SHISA9: variants seen among roughly 807,000 people sequenced by gnomAD.
The protein encoded by SHISA9 is protein shisa-9.
A neutral mutation model predicts 38.0 loss-of-function variants in SHISA9; 13 were observed. The observed-to-expected ratio is 0.34, with a 90% CI of 0.22 to 0.54. The LOEUF is 0.54. Among genes scored for constraint, SHISA9 ranks in the 20% least tolerant of loss-of-function variants. The pLI, the probability that SHISA9 is intolerant of heterozygous loss-of-function variation, is 0.91. For synonymous variants in SHISA9, 275 were observed against 242.0 expected, an observed-to-expected ratio of 1.14 and a Z score of -1.27; for missense variants, 538 against 575.8, an observed-to-expected ratio of 0.93 and a Z score of 0.67.
intron 2 of SHISA9, among the ~76,000 whole-genome samples, chr16:13,139,906 G>A (rs911142187): frequency 2.6e-5 from 4 of 152,114 alleles, no homozygotes; most frequent in Non-Finnish European, 5.9e-5. Context: ...ACTCAGTTGA[G>A]GTCCCTGGCT....
At chr16:13,233,802 G>A (rs1023723885) in intron 4 of SHISA9, among the ~76,000 whole-genome samples, 6 of 152,098 alleles carry the variant, frequency 3.9e-5, no homozygotes, top group African/African-American at 7.2e-5. Flanking sequence ...CTTGAGCCCC[G>A]GAGTTCAAGA....
At chr16:13,299,710 CA>C in the SHISA9 span, among the ~76,000 whole-genome samples, 95 of 118,336 alleles carry the variant, frequency 8.0e-4, no homozygotes, top group South Asian at 1.4e-3. Flanking sequence ...GAGCCTCTGT[CA>C]AAAAAAAAAA....
intron 3 of SHISA9, among the ~76,000 whole-genome samples, chr16:13,209,275 T>C (rs1242421741): frequency 1.3e-5 from 2 of 152,180 alleles, no homozygotes; most frequent in African/African-American, 4.8e-5. Flanking sequence ...TAACATGCAA[T>C]TGCCCACATT....
the SHISA9 span, among the ~76,000 whole-genome samples, chr16:13,441,262 C>T: frequency 6.6e-6 from 1 of 152,170 alleles, no homozygotes; most frequent in African/African-American, 2.4e-5. Flanking sequence ...TTAAACCTGC[C>T]AGGCTCAGAG....
intron 2 of SHISA9, among the ~76,000 whole-genome samples, chr16:12,929,492 A>G (rs1331183271): frequency 1.3e-5 from 2 of 152,208 alleles, no homozygotes; most frequent in Non-Finnish European, 2.9e-5. Flanking sequence ...CTTTGCAGGG[A>G]CATGGATGGA....
At chr16:13,178,691 T>C (rs2050752716) in intron 2 of SHISA9, among the ~76,000 whole-genome samples, 1 of 152,166 alleles carries the variant, frequency 6.6e-6, no homozygotes, top group Non-Finnish European at 1.5e-5. Context: ...GAAGCCAGCC[T>C]CCAGCCTTGG....
the SHISA9 span, among the ~76,000 whole-genome samples, chr16:13,392,394 C>T: frequency 3.3e-5 from 5 of 152,082 alleles, no homozygotes; most frequent in East Asian, 1.9e-4. Flanking sequence ...TTATATTGTA[C>T]ACCTTAAATA....
At chr16:13,459,974 C>A in the SHISA9 span, among the ~76,000 whole-genome samples, 1 of 152,130 alleles carries the variant, frequency 6.6e-6, no homozygotes, top group Non-Finnish European at 1.5e-5. Context: ...GTGGCATGAT[C>A]TCTGCTCACT....
At chr16:13,145,501 T>G (rs2050439522) in intron 2 of SHISA9, among the ~76,000 whole-genome samples, 1 of 152,172 alleles carries the variant, frequency 6.6e-6, no homozygotes, top group African/African-American at 2.4e-5. Flanking sequence ...CACTCCAGCC[T>G]GGGCAACAAG....
At chr16:13,515,029 T>C in the SHISA9 span, among the ~76,000 whole-genome samples, 4 of 152,114 alleles carry the variant, frequency 2.6e-5, no homozygotes, top group Non-Finnish European at 5.9e-5. Flanking sequence ...GCAAAAAGAT[T>C]AGTGGAGTAG....
At chr16:13,521,756 T>A in the SHISA9 span, among the ~76,000 whole-genome samples, 9 of 152,250 alleles carry the variant, frequency 5.9e-5, no homozygotes, top group African/African-American at 1.9e-4. Flanking sequence ...CTGTTTCACG[T>A]GTGTTACGTT....
At chr16:13,426,208 G>A in the SHISA9 span, among the ~76,000 whole-genome samples, 94 of 152,240 alleles carry the variant, frequency 6.2e-4, 2 homozygotes, top group East Asian at 0.012. Flanking sequence ...CTTACTACAC[G>A]TCAGGATCCT....
intron 2 of SHISA9, among the ~76,000 whole-genome samples, chr16:12,978,258 G>C (rs1055796836): frequency 1.3e-5 from 2 of 152,192 alleles, no homozygotes; most frequent in African/African-American, 4.8e-5. Context: ...ACAGCTTACT[G>C]TTTATTCTGG....
chr16:13,211,544 T>C (rs974064635), intron 3 of SHISA9, among the ~76,000 whole-genome samples: 3 of 152,222 alleles, frequency 2.0e-5, no homozygotes, highest in African/African-American at 7.2e-5. Context: ...TCCTTCCTTT[T>C]AATACCTTAG....
chr16:13,262,674 G>GGA, the SHISA9 span, among the ~76,000 whole-genome samples: 34 of 46,980 alleles, frequency 7.2e-4, no homozygotes, highest in Admixed American at 1.0e-3. Flanking sequence ...GGAAGGAAGG[G>GGA]AGGGAGGAAG....
the SHISA9 span, among the ~76,000 whole-genome samples, chr16:13,540,776 G>A: frequency 1.4e-4 from 21 of 152,274 alleles, no homozygotes; most frequent in African/African-American, 4.8e-4. Context: ...ACAGTGCCTG[G>A]TTCAAGTAGA....
intron 2 of SHISA9, among the ~76,000 whole-genome samples, chr16:13,006,935 C>G (rs1353993213): frequency 6.6e-6 from 1 of 152,176 alleles, no homozygotes; most frequent in East Asian, 1.9e-4. Context: ...CTGTTTCTAA[C>G]TGTGGGTATC....
At chr16:12,990,075 C>G (rs191373981) in intron 2 of SHISA9, among the ~76,000 whole-genome samples, 1 of 152,162 alleles carries the variant, frequency 6.6e-6, no homozygotes, top group Admixed American at 6.5e-5. Context: ...ATGATGGCTT[C>G]TGGCTCTATC....
intron 2 of SHISA9, among the ~76,000 whole-genome samples, chr16:13,161,520 C>T (rs1000798168): frequency 2.0e-5 from 3 of 152,150 alleles, no homozygotes; most frequent in Non-Finnish European, 4.4e-5. Flanking sequence ...CCCTGGCTGT[C>T]CCCCTACAGC....
Sources: gnomAD v4.1 joint callset for allele counts (sites outside exome capture counted in the v4.1 genomes callset) on GRCh38, gnomAD v4.1.1 for gene constraint, MANE v1.5 for transcripts, NCBI Gene and HGNC (gene_info 2026-07-23, HGNC 2026-07-21) for gene names.